The following GPM6B variants were observed in gnomAD, a reference collection of about 807,000 sequenced individuals.
GPM6B encodes glycoprotein M6B.
Under a neutral mutation model 27.2 loss-of-function variants are expected in GPM6B, and 4 were observed. The observed-to-expected ratio is 0.15, with a 90% confidence interval of 0.07 to 0.34. GPM6B has a LOEUF of 0.34. GPM6B is among the 10% of genes least tolerant of loss of function. The probability of loss-of-function intolerance (pLI) is 1.00; values close to 1 mark genes in which losing one functional copy is unlikely to be tolerated. For synonymous variants in GPM6B, 124 were observed against 103.1 expected, an observed-to-expected ratio of 1.20 and a Z score of -1.23; for missense variants, 183 against 261.9, an observed-to-expected ratio of 0.70 and a Z score of 2.08.
Position 13,773,979 on chromosome X carries a change from T to C in GPM6B, c.838-949A>G, listed in dbSNP as rs570844481. On this transcript the variant is annotated intron_variant, in intron 7 of 7. Transcript: ENST00000316715. ...TTTTTTTTTTTTTTTTTTTTTTTTT[T>C]CCAGAGAACTGGGTGACCTTTTTCT... 464 of 688,642 alleles carry C rather than the reference T, an allele frequency of 6.7e-4. 1 individual carries two copies. Among genetic ancestry groups the C allele is most frequent in the South Asian group, 1.4e-3 (18 of 13,062 alleles). 56.8% of individuals were successfully genotyped at this position (688,642 alleles called of 1,213,427 possible).
chrX:13,778,053 TG>T (rs1330265823), intron 5 of GPM6B, among the ~76,000 whole-genome samples: 12 of 75,120 alleles, frequency 1.6e-4, no homozygotes, highest in African/African-American at 2.9e-4. Flanking sequence ...CAAATTGGTT[TG>T]TTTTTTTTTT....
At chrX:13,879,493 A>G (rs1015052819) in intron 1 of GPM6B, among the ~76,000 whole-genome samples, 3 of 112,454 alleles carry the variant, frequency 2.7e-5, no homozygotes, top group Admixed American at 1.9e-4. Context: ...AATTACATCA[A>G]TTCTGAAAAT....
chrX:13,883,693 T>TA (rs763473816), intron 1 of GPM6B, among the ~76,000 whole-genome samples: 1,559 of 76,927 alleles, frequency 0.02, 49 homozygotes, highest in African/African-American at 0.069. Context: ...CTTCGTCTCT[T>TA]AAAAAAAAAA....
intron 1 of GPM6B, among the ~76,000 whole-genome samples, chrX:13,843,968 ACT>A (rs200064930): frequency 0.012 from 1,378 of 112,007 alleles, 37 homozygotes; most frequent in African/African-American, 0.042. Context: ...CTAAGAAACC[ACT>A]GTCTAAACCA....
intron 1 of GPM6B, among the ~76,000 whole-genome samples, chrX:13,897,436 G>A (rs1023450217): frequency 8.9e-5 from 10 of 111,814 alleles, no homozygotes; most frequent in African/African-American, 2.9e-4. Flanking sequence ...TTCTTCAGAT[G>A]AGCTACTTTT....
At chrX:13,933,442 T>C (rs1921675902) in intron 1 of GPM6B, among the ~76,000 whole-genome samples, 1 of 111,912 alleles carries the variant, frequency 8.9e-6, no homozygotes, top group African/African-American at 3.2e-5. Context: ...TGTCCAGAAC[T>C]TGGGTTGTAG....
intron 1 of GPM6B, among the ~76,000 whole-genome samples, chrX:13,840,566 G>C (rs758214095): frequency 9.0e-6 from 1 of 111,570 alleles, no homozygotes; most frequent in Non-Finnish European, 1.9e-5. Flanking sequence ...GCACTCCCTA[G>C]AGCAGTTGCC....
At chrX:13,917,161 A>G (rs1407214240) in intron 1 of GPM6B, among the ~76,000 whole-genome samples, 1 of 112,043 alleles carries the variant, frequency 8.9e-6, no homozygotes, top group Non-Finnish European at 1.9e-5. Flanking sequence ...GCAATGAGCC[A>G]TAATCACTGC....
chrX:13,900,514 T>C (rs1465355133), intron 1 of GPM6B, among the ~76,000 whole-genome samples: 1 of 110,605 alleles, frequency 9.0e-6, no homozygotes, highest in Non-Finnish European at 1.9e-5. Flanking sequence ...TGTAGACATA[T>C]GAGGTTGTGC....
intron 1 of GPM6B, among the ~76,000 whole-genome samples, chrX:13,887,739 G>C (rs757644524): frequency 1.8e-5 from 2 of 111,862 alleles, no homozygotes; most frequent in South Asian, 3.8e-4. Context: ...GCTGCACTTA[G>C]AATCACCTGG....
At chrX:13,881,728 C>G (rs1271237679) in intron 1 of GPM6B, among the ~76,000 whole-genome samples, 1 of 34,829 alleles carries the variant, frequency 2.9e-5, no homozygotes, top group Admixed American at 3.7e-4. Context: ...TGCCAAAGAT[C>G]ACAAAGCGAG....
At chrX:13,858,658 T>A (rs1401424883) in intron 1 of GPM6B, among the ~76,000 whole-genome samples, 2 of 111,370 alleles carry the variant, frequency 1.8e-5, no homozygotes, top group Non-Finnish European at 3.8e-5. Flanking sequence ...AACTGCCACA[T>A]CTCTGCTCAA....
At chrX:13,874,092 A>C (rs1193945009) in intron 1 of GPM6B, among the ~76,000 whole-genome samples, 1 of 112,177 alleles carries the variant, frequency 8.9e-6, no homozygotes. Context: ...AACACTTTTT[A>C]TTCAAAAAGT....
Position 13,863,675 on chromosome X carries a change from G to A in GPM6B, c.-198+74652C>T, listed in dbSNP as rs139436881. Reference sequence around the variant, plus strand: ...TCTAGTTCCATTTGGTCCCAGAGCCGAGAGATTATTTTAACCATGATCTCC... The same window carrying A: ...TCTAGTTCCATTTGGTCCCAGAGCCAAGAGATTATTTTAACCATGATCTCC... On this transcript the variant is annotated intron_variant, in intron 1 of 6. Coordinates refer to the GPM6B transcript ENST00000398361. 1.5e-3 allele frequency among the ~76,000 whole-genome samples: 171 copies of A among 112,009 alleles called. 1 individual carries two copies. The highest frequency in any genetic ancestry group is 5.1e-3 in the African/African-American group (156 of 30,884).
intron 1 of GPM6B, among the ~76,000 whole-genome samples, chrX:13,917,268 C>T (rs531268227): frequency 7.0e-4 from 79 of 112,400 alleles, no homozygotes; most frequent in Non-Finnish European, 1.1e-3. Flanking sequence ...GGCAAAAACA[C>T]ATGTAAACTA....
At chrX:13,795,375 T>C (rs2048790534) in intron 2 of GPM6B, among the ~76,000 whole-genome samples, 1 of 112,111 alleles carries the variant, frequency 8.9e-6, no homozygotes, top group Non-Finnish European at 1.9e-5. Context: ...AATTTTGGTG[T>C]AGTATCAAGG....
intron 1 of GPM6B, among the ~76,000 whole-genome samples, chrX:13,859,274 A>T (rs748491753): frequency 2.7e-5 from 3 of 111,944 alleles, no homozygotes; most frequent in Non-Finnish European, 3.8e-5. Context: ...CCACTGATCT[A>T]CTTTTTGTTG....
At chrX:13,790,096 C>A (rs1200326901) in intron 2 of GPM6B, among the ~76,000 whole-genome samples, 5 of 111,955 alleles carry the variant, frequency 4.5e-5, no homozygotes, top group Non-Finnish European at 9.4e-5. Flanking sequence ...TCAAGTGATC[C>A]TCCCGCCTCG....
chrX:13,779,623 C>A (rs1303882243), intron 5 of GPM6B, among the ~76,000 whole-genome samples, 195 bp downstream of exon 5: 8 of 111,425 alleles, frequency 7.2e-5, no homozygotes, highest in African/African-American at 2.3e-4. Context: ...ATTTTGATAC[C>A]TAGCAAGCTA....
Sources: gnomAD v4.1 joint callset for allele counts (sites outside exome capture counted in the v4.1 genomes callset) on GRCh38, gnomAD v4.1.1 for gene constraint, MANE v1.5 for transcripts, NCBI Gene and HGNC (gene_info 2026-07-23, HGNC 2026-07-21) for gene names.